FRMPD4: variants seen among roughly 807,000 people sequenced by gnomAD.
FRMPD4 encodes FERM and PDZ domain containing 4.
A neutral mutation model predicts 94.1 loss-of-function variants in FRMPD4; 22 were observed. That is an observed-to-expected ratio of 0.23 (90% CI 0.17 to 0.33). The LOEUF (loss-of-function observed/expected upper bound fraction) is 0.33. Among genes scored for constraint, FRMPD4 ranks in the 10% least tolerant of loss-of-function variants. The probability of loss-of-function intolerance (pLI) is 1.00; values close to 1 mark genes in which losing one functional copy is unlikely to be tolerated. For synonymous variants in FRMPD4, 631 were observed against 548.6 expected (o/e 1.15, Z -2.10); for missense variants, 1,111 against 1,339.9 (o/e 0.83, Z 2.67).
At chrX:12,412,116 G>T (rs1054394204) in intron 1 of FRMPD4, among the ~76,000 whole-genome samples, 1 of 112,049 alleles carries the variant, frequency 8.9e-6, no homozygotes, top group African/African-American at 3.2e-5. Context: ...ACAAATTTTA[G>T]CATTTTGCTC....
intron 4 of FRMPD4, among the ~76,000 whole-genome samples, chrX:12,649,452 G>A (rs887475506): frequency 1.8e-5 from 2 of 111,612 alleles, no homozygotes; most frequent in East Asian, 2.8e-4. Flanking sequence ...TCTCTCATAT[G>A]CTATCTGCCT....
chrX:12,094,191 T>C (rs1449414604), intron 3 of FRMPD4, among the ~76,000 whole-genome samples: 1 of 111,863 alleles, frequency 8.9e-6, no homozygotes, highest in African/African-American at 3.3e-5. Flanking sequence ...TTAATAAACA[T>C]AACAATAAAT....
intron 3 of FRMPD4, among the ~76,000 whole-genome samples, chrX:11,914,291 C>CTTTTTTTTTTTTTTTTTTTT (rs57258573): frequency 1.1e-5 from 1 of 89,219 alleles, no homozygotes; most frequent in Non-Finnish European, 2.2e-5. Flanking sequence ...ACTTTTTTTT[C>CTTTTTTTTTTTTTTTTTTTT]TTTTTTTTTT....
At chrX:12,458,585 T>C (rs2057359437) in intron 1 of FRMPD4, among the ~76,000 whole-genome samples, 1 of 112,020 alleles carries the variant, frequency 8.9e-6, no homozygotes, top group Non-Finnish European at 1.9e-5. Context: ...CAGGCCATCT[T>C]GGTTCCTTGA....
intron 1 of FRMPD4, among the ~76,000 whole-genome samples, chrX:12,310,554 A>G (rs1162257614): frequency 1.8e-5 from 2 of 112,267 alleles, no homozygotes; most frequent in African/African-American, 3.2e-5. Flanking sequence ...TATCATTGTC[A>G]TAAATCAGTA....
At chrX:12,358,212 A>G (rs2055924703) in intron 1 of FRMPD4, among the ~76,000 whole-genome samples, 1 of 110,548 alleles carries the variant, frequency 9.0e-6, no homozygotes, top group Non-Finnish European at 1.9e-5. Flanking sequence ...TTAACTTTCT[A>G]CTGCTTTCTC....
At chrX:12,610,616 C>T (rs1361528180) in intron 3 of FRMPD4, among the ~76,000 whole-genome samples, 3 of 111,286 alleles carry the variant, frequency 2.7e-5, no homozygotes, top group Non-Finnish European at 5.7e-5. Flanking sequence ...GGTGTGGTGG[C>T]GCTTGCCTGA....
At position 12,187,488 on chromosome X, in the gene FRMPD4, A is replaced by G. The variant is rs767963962; in HGVS notation, c.41+48476A>G. 1.2e-4 allele frequency among the ~76,000 whole-genome samples: 13 copies of G among 111,759 alleles called. No individual in the cohort carries two copies. In the East Asian group the frequency reaches 3.4e-3, roughly 29 times the overall value. ...TTTTAAGAATGAATTTGTTTTTAAAACTAAAATATCCTTGAAAATATTTAG... is the reference window on the plus strand; with the variant it reads ...TTTTAAGAATGAATTTGTTTTTAAAGCTAAAATATCCTTGAAAATATTTAG... On this transcript the variant is annotated intron_variant, in intron 1 of 16. Coordinates refer to ENST00000675598, the MANE Select transcript of FRMPD4 (RefSeq NM_001368397.1).
intron 1 of FRMPD4, among the ~76,000 whole-genome samples, chrX:12,231,847 G>A (rs2057012974): frequency 2.2e-5 from 1 of 44,904 alleles, no homozygotes; most frequent in African/African-American, 7.1e-5. Flanking sequence ...GAATAGAGAA[G>A]AGAAGCACGT....
intron 4 of FRMPD4, among the ~76,000 whole-genome samples, chrX:12,673,837 C>G (rs2059867444): frequency 9.0e-6 from 1 of 111,420 alleles, no homozygotes; most frequent in Non-Finnish European, 1.9e-5. Flanking sequence ...TCCCCTACCC[C>G]ACTCCCCAAC....
chrX:12,654,682 A>G (rs2059634949), intron 4 of FRMPD4, among the ~76,000 whole-genome samples: 1 of 111,452 alleles, frequency 9.0e-6, no homozygotes, highest in South Asian at 3.8e-4. Flanking sequence ...GGCATCCTCT[A>G]GGTAAAATGA....
intron 2 of FRMPD4, among the ~76,000 whole-genome samples, chrX:12,563,587 G>T (rs188721815): frequency 8.9e-6 from 1 of 111,906 alleles, no homozygotes; most frequent in East Asian, 2.8e-4. Flanking sequence ...CAGTCTTTAG[G>T]GTTGCTATTC....
chrX:12,305,685 G>A (rs2054925160), intron 1 of FRMPD4, among the ~76,000 whole-genome samples: 1 of 100,467 alleles, frequency 1.0e-5, no homozygotes, highest in South Asian at 4.8e-4. Context: ...AGCCTCCTTA[G>A]TAGCTGGGAC....
At chrX:12,662,994 T>C (rs1207590205) in intron 4 of FRMPD4, among the ~76,000 whole-genome samples, 2 of 112,787 alleles carry the variant, frequency 1.8e-5, no homozygotes, top group African/African-American at 6.5e-5. Context: ...GCGGCATAAA[T>C]GTCTTCTTTT....
intron 4 of FRMPD4, among the ~76,000 whole-genome samples, chrX:12,646,961 C>CT (rs2059553336): frequency 8.9e-6 from 1 of 111,908 alleles, no homozygotes; most frequent in Non-Finnish European, 1.9e-5. Context: ...CCACTAACCC[C>CT]TAGGAACAAC....
chrX:12,630,928 G>A (rs1403465393), intron 4 of FRMPD4, among the ~76,000 whole-genome samples: 1 of 111,776 alleles, frequency 8.9e-6, no homozygotes, highest in African/African-American at 3.3e-5. Context: ...CTGATTGGTA[G>A]ACAGCTCTCC....
chrX:12,566,988 A>G (rs2058719937), intron 2 of FRMPD4, among the ~76,000 whole-genome samples: 1 of 111,450 alleles, frequency 9.0e-6, no homozygotes, highest in Non-Finnish European at 1.9e-5. Flanking sequence ...AGAGAAATTA[A>G]TGTTGTTTTC....
intron 3 of FRMPD4, among the ~76,000 whole-genome samples, chrX:12,132,786 A>G (rs1042071607): frequency 2.7e-5 from 3 of 110,938 alleles, no homozygotes; most frequent in African/African-American, 9.8e-5. Context: ...CCTAGTTACA[A>G]TGACAAGAAC....
chrX:12,136,748 A>C (rs919010818), upstream of FRMPD4, among the ~76,000 whole-genome samples: 8 of 110,571 alleles, frequency 7.2e-5, no homozygotes, highest in Non-Finnish European at 1.5e-4. Context: ...AGTGGGCAGT[A>C]ATAGTTGAGG....
Sources: allele counts gnomAD v4.1 joint callset (sites outside exome capture counted in the v4.1 genomes callset), GRCh38; gene constraint gnomAD v4.1.1; transcripts MANE v1.5; gene names NCBI Gene and HGNC (gene_info 2026-07-23, HGNC 2026-07-21).